The following UNC13C variants were observed in gnomAD, a reference collection of about 807,000 sequenced individuals.
UNC13C encodes unc-13 homolog C, also known as protein unc-13 homolog C.
In UNC13C, 174 loss-of-function variants were observed where a neutral mutation model predicts 245.4. The ratio of observed to expected loss-of-function variants is 0.71; its 90% CI spans 0.63 to 0.80. UNC13C has a LOEUF of 0.80. UNC13C is among the 30% of genes least tolerant of loss of function. The pLI is 0.00. For synonymous variants in UNC13C, 992 were observed against 895.1 expected (o/e 1.11, Z -1.93); for missense variants, 2,829 against 2,602.9 (o/e 1.09, Z -1.89).
At chr15:54,590,358 A>T (rs1291528275) in intron 30 of UNC13C, among the ~76,000 whole-genome samples, 1 of 152,136 alleles carries the variant, frequency 6.6e-6, no homozygotes, top group Admixed American at 6.5e-5. Context: ...ATTGCATTGT[A>T]TTTGTAGATG....
intron 4 of UNC13C, among the ~76,000 whole-genome samples, chr15:54,178,177 T>G (rs2141297082): frequency 6.6e-6 from 1 of 152,262 alleles, no homozygotes; most frequent in Non-Finnish European, 1.5e-5. Context: ...ATCCTGTATT[T>G]AGGGTCTCAT....
intron 4 of UNC13C, among the ~76,000 whole-genome samples, chr15:54,156,963 G>A (rs1345661457): frequency 6.6e-6 from 1 of 151,896 alleles, no homozygotes; most frequent in Admixed American, 6.6e-5. Flanking sequence ...TCATTACTCT[G>A]TGTGTGGGTG....
At position 54,030,922 on chromosome 15, in the gene UNC13C, C is replaced by A. The variant is rs1055715065; in HGVS notation, c.2983+15036C>A. ...TTATTACTACCTTCTAATACTGTTG[C>A]ATTTGGAATTAAGTTTCAGCATGAA... On this transcript the variant is annotated intron_variant, in intron 2 of 32. Transcript: ENST00000260323. Among the ~76,000 whole-genome samples the A allele has an allele frequency of 2.6e-5, 4 of 152,182 alleles. No homozygotes were observed. The East Asian group carries it at 7.7e-4, about 29-fold the overall frequency.
chr15:54,272,319 A>G (rs2036707925), intron 10 of UNC13C, among the ~76,000 whole-genome samples: 1 of 152,226 alleles, frequency 6.6e-6, no homozygotes, highest in African/African-American at 2.4e-5. Context: ...GTATCAGTTA[A>G]GCATAAACTA....
At chr15:54,424,254 T>A (rs1435193754) in intron 19 of UNC13C, among the ~76,000 whole-genome samples, 4 of 151,910 alleles carry the variant, frequency 2.6e-5, no homozygotes, top group Middle Eastern at 6.8e-3. Flanking sequence ...TAAAAAAATC[T>A]GTGACTTTGT....
the UNC13C span, among the ~76,000 whole-genome samples, chr15:53,868,262 A>G: frequency 3.3e-5 from 5 of 152,192 alleles, no homozygotes. Context: ...ATTGCAATGC[A>G]CTTTCCCTGA....
intron 1 of UNC13C, among the ~76,000 whole-genome samples, chr15:54,005,655 G>A (rs1326003751): frequency 6.6e-6 from 1 of 152,160 alleles, no homozygotes; most frequent in Non-Finnish European, 1.5e-5. Flanking sequence ...TAGACTGTAA[G>A]GACTATAATG....
intron 27 of UNC13C, among the ~76,000 whole-genome samples, 192 bp from the exon 28 acceptor site, chr15:54,549,443 G>A (rs1333730001): frequency 6.6e-6 from 1 of 152,130 alleles, no homozygotes; most frequent in African/African-American, 2.4e-5. Context: ...GGACACCTAT[G>A]AGGACTGTTA....
the UNC13C span, among the ~76,000 whole-genome samples, chr15:53,858,904 A>T: frequency 6.6e-6 from 1 of 152,188 alleles, no homozygotes; most frequent in Non-Finnish European, 1.5e-5. Flanking sequence ...TAGTCACATG[A>T]TTCAAACTAT....
At chr15:54,572,424 ATT>A (rs1336090253) in intron 30 of UNC13C, among the ~76,000 whole-genome samples, 37 of 131,556 alleles carry the variant, frequency 2.8e-4, no homozygotes, top group South Asian at 4.9e-4. Context: ...TGTCTCTTTA[ATT>A]TTTTTTTTTT....
rs900646739 is a variant in UNC13C at position 54,441,275 on chromosome 15, C to T, written c.4933+26208C>T. Among the ~76,000 whole-genome samples, 4 of 151,976 alleles carry T rather than the reference C, an allele frequency of 2.6e-5. 1 individual carries two copies. The highest frequency in any genetic ancestry group is 4.8e-5 in the African/African-American group (2 of 41,400). On this transcript the variant is annotated intron_variant, in intron 19 of 32. Coordinates refer to ENST00000260323, the MANE Select transcript of UNC13C (RefSeq NM_001080534.3). ...TCCTGAAGTGTTTTCTTCAAGTTCT[C>T]TTCTAGCAGTTTTATTATAGTTTCA... is the stretch of plus-strand genomic sequence containing the variant.
At chr15:53,927,206 T>A in the UNC13C span, among the ~76,000 whole-genome samples, 4 of 152,130 alleles carry the variant, frequency 2.6e-5, no homozygotes, top group African/African-American at 9.7e-5. Context: ...AACTAGTGAG[T>A]GATGGAATCA....
chr15:54,271,053 A>G (rs1376933459), intron 10 of UNC13C, among the ~76,000 whole-genome samples: 2 of 152,186 alleles, frequency 1.3e-5, no homozygotes, highest in African/African-American at 4.8e-5. Context: ...ATGCTAAATA[A>G]TTTCAATTTT....
intron 13 of UNC13C, among the ~76,000 whole-genome samples, chr15:54,317,757 G>T (rs78498698): frequency 6.6e-6 from 1 of 151,746 alleles, no homozygotes; most frequent in African/African-American, 2.4e-5. Context: ...TTTAACATCC[G>T]TTCTCCTAGC....
chr15:54,301,898 CTCA>C (rs1167751337), intron 13 of UNC13C, among the ~76,000 whole-genome samples: 2 of 152,176 alleles, frequency 1.3e-5, no homozygotes, highest in African/African-American at 4.8e-5. Context: ...AATTTACACT[CTCA>C]TCAACAGTGT....
chr15:54,423,183 C>T (rs1414935365), intron 19 of UNC13C, among the ~76,000 whole-genome samples: 2 of 151,622 alleles, frequency 1.3e-5, no homozygotes, highest in Non-Finnish European at 2.9e-5. Flanking sequence ...TCATAACCCT[C>T]TAAATTGATG....
At chr15:54,006,500 C>T (rs1341204781) in intron 1 of UNC13C, among the ~76,000 whole-genome samples, 1 of 152,116 alleles carries the variant, frequency 6.6e-6, no homozygotes, top group Non-Finnish European at 1.5e-5. Context: ...AGGCAAAAAA[C>T]TAACAGTTCC....
At chr15:54,291,332 C>T (rs1012005723) in intron 10 of UNC13C, among the ~76,000 whole-genome samples, 1 of 151,838 alleles carries the variant, frequency 6.6e-6, no homozygotes, top group African/African-American at 2.4e-5. Context: ...TTCCTTTCTC[C>T]CCACAATTTC....
intron 2 of UNC13C, among the ~76,000 whole-genome samples, chr15:54,075,346 C>T (rs1898541971): frequency 6.6e-6 from 1 of 151,798 alleles, no homozygotes; most frequent in African/African-American, 2.4e-5. Context: ...TTAGCCAGGC[C>T]TGGCGGCAGG....
Sources: allele counts gnomAD v4.1 joint callset (sites outside exome capture counted in the v4.1 genomes callset), GRCh38; gene constraint gnomAD v4.1.1; transcripts MANE v1.5; gene names NCBI Gene and HGNC (gene_info 2026-07-23, HGNC 2026-07-21).